Variants in ZNF676 observed in about 807,000 individuals in gnomAD.
The protein encoded by ZNF676 is zinc finger protein 676.
In ZNF676, 4 loss-of-function variants were observed where a neutral mutation model predicts 6.0. The observed-to-expected ratio is 0.67, with a 90% CI of 0.33 to 1.53. ZNF676 has a LOEUF of 1.53. Ranked by LOEUF, ZNF676 falls within the 40% of genes most tolerant of loss-of-function variation. ZNF676 has a pLI of 0.06. For synonymous variants in ZNF676, 198 were observed against 223.1 expected (o/e 0.89, Z 1.00); for missense variants, 644 against 679.7 (o/e 0.95, Z 0.58).
At chr19:22,242,551 T>C in the ZNF676 span, among the ~76,000 whole-genome samples, 2 of 151,926 alleles carry the variant, frequency 1.3e-5, no homozygotes, top group South Asian at 2.1e-4. Context: ...AAATACACAA[T>C]GTATGCAAGG....
chr19:22,219,607 T>G (rs534885266), upstream of ZNF676, among the ~76,000 whole-genome samples: 1 of 152,100 alleles, frequency 6.6e-6, no homozygotes, highest in South Asian at 2.1e-4. Context: ...TCAGAAAAAA[T>G]CCTTTCAACT....
the ZNF676 span, among the ~76,000 whole-genome samples, chr19:22,239,342 A>AT: frequency 9.3e-5 from 14 of 150,538 alleles, no homozygotes; most frequent in Non-Finnish European, 7.4e-5. Flanking sequence ...TGCCCGGCTA[A>AT]TTTTTTTTTG....
intron 1 of ZNF676, chr19:22,203,992 C>A (rs1457553256): frequency 6.6e-6 from 1 of 152,166 alleles, no homozygotes; most frequent in Non-Finnish European, 1.5e-5. Flanking sequence ...CTGACAACTT[C>A]CACCAGCACT....
At chr19:22,205,131 A>G (rs138761196) in intron 1 of ZNF676, among the ~76,000 whole-genome samples, 80 of 151,584 alleles carry the variant, frequency 5.3e-4, no homozygotes, top group African/African-American at 1.8e-3. Flanking sequence ...AAATTGTTAT[A>G]AAAAAAAACC....
At chr19:22,259,263 G>C in the ZNF676 span, among the ~76,000 whole-genome samples, 1 of 152,118 alleles carries the variant, frequency 6.6e-6, no homozygotes, top group African/African-American at 2.4e-5. Flanking sequence ...GCTCCCTGTG[G>C]GCAGGACTCA....
upstream of ZNF676, among the ~76,000 whole-genome samples, chr19:22,219,503 A>G (rs1426275608): frequency 1.3e-5 from 2 of 152,010 alleles, no homozygotes; most frequent in African/African-American, 4.8e-5. Context: ...GATTCTGTTT[A>G]TTTTTTGCTT....
intron 2 of ZNF676, among the ~76,000 whole-genome samples, chr19:22,184,584 C>T (rs942326441): frequency 6.6e-6 from 1 of 152,064 alleles, no homozygotes; most frequent in African/African-American, 2.4e-5. Flanking sequence ...CAGTGGGTCC[C>T]ACACCATGGA....
the ZNF676 span, among the ~76,000 whole-genome samples, chr19:22,231,605 A>C: frequency 1.7e-4 from 12 of 69,176 alleles, no homozygotes; most frequent in Non-Finnish European, 3.2e-4. Context: ...CTGTATCTTT[A>C]TTTATTTATT....
At chr19:22,233,827 C>G in the ZNF676 span, among the ~76,000 whole-genome samples, 6 of 152,320 alleles carry the variant, frequency 3.9e-5, no homozygotes, top group African/African-American at 1.2e-4. Flanking sequence ...GTGATGTCAA[C>G]AAAACAGGTC....
At chr19:22,197,363 A>G (rs897859504), upstream of ZNF676, among the ~76,000 whole-genome samples, 31 of 152,130 alleles carry the variant, frequency 2.0e-4, no homozygotes, top group African/African-American at 6.8e-4. Flanking sequence ...TCAGATGGAA[A>G]AGACATAGTT....
the ZNF676 span, among the ~76,000 whole-genome samples, chr19:22,238,204 G>A: frequency 0.99 from 151,099 of 152,220 alleles, 74,999 homozygotes; most frequent in South Asian, 1. Context: ...GGCACTCATC[G>A]ACACACCCGG....
At chr19:22,237,743 T>C in the ZNF676 span, among the ~76,000 whole-genome samples, 1 of 152,120 alleles carries the variant, frequency 6.6e-6, no homozygotes, top group Non-Finnish European at 1.5e-5. Context: ...GAAGCTGTTT[T>C]TTCTGACAAA....
At chr19:22,189,674 G>GA (rs955600502) in intron 2 of ZNF676, among the ~76,000 whole-genome samples, 21 of 151,126 alleles carry the variant, frequency 1.4e-4, no homozygotes, top group Non-Finnish European at 3.0e-4. Flanking sequence ...AAATTTACAA[G>GA]AAAAAAAACA....
chr19:22,254,487 C>T, the ZNF676 span, among the ~76,000 whole-genome samples: 1 of 152,074 alleles, frequency 6.6e-6, no homozygotes, highest in Non-Finnish European at 1.5e-5. Flanking sequence ...TAACAATACC[C>T]AAGATATGCT....
At chr19:22,231,904 G>A in the ZNF676 span, among the ~76,000 whole-genome samples, 1 of 151,930 alleles carries the variant, frequency 6.6e-6, no homozygotes, top group African/African-American at 2.4e-5. Flanking sequence ...CTGGCCTTGA[G>A]CTCTATCTTA....
chr19:22,248,949 C>T, the ZNF676 span, among the ~76,000 whole-genome samples: 36,732 of 150,204 alleles, frequency 0.24, 4,921 homozygotes, highest in South Asian at 0.43. Flanking sequence ...AGGCTGGTCT[C>T]GAACTCCTGA....
chr19:22,258,338 C>T, the ZNF676 span, among the ~76,000 whole-genome samples: 1,056 of 152,112 alleles, frequency 6.9e-3, 1 homozygote, highest in African/African-American at 0.023. Context: ...ACATCTTCTT[C>T]GTGCTGGGTT....
intron 1 of ZNF676, chr19:22,203,198 A>G (rs2024042774): frequency 6.0e-6 from 1 of 165,344 alleles, no homozygotes; most frequent in African/African-American, 2.4e-5. Flanking sequence ...CTTCACAATA[A>G]TAGAAAAGGG....
the ZNF676 span, among the ~76,000 whole-genome samples, chr19:22,256,553 G>T: frequency 1.3e-5 from 2 of 152,182 alleles, no homozygotes; most frequent in African/African-American, 4.8e-5. Context: ...GGTGCAGGTA[G>T]AAGAGGACAG....
Sources: gnomAD v4.1 joint callset for allele counts (sites outside exome capture counted in the v4.1 genomes callset) on GRCh38, gnomAD v4.1.1 for gene constraint, MANE v1.5 for transcripts, NCBI Gene and HGNC (gene_info 2026-07-23, HGNC 2026-07-21) for gene names.